Variants in MEST observed in about 807,000 individuals in gnomAD.
MEST encodes the protein mesoderm specific transcript.
In MEST, 18 loss-of-function variants were observed where a neutral mutation model predicts 50.9. The ratio of observed to expected loss-of-function variants is 0.35; its 90% CI spans 0.24 to 0.52. MEST has a LOEUF of 0.52. Among genes scored for constraint, MEST ranks in the 20% least tolerant of loss-of-function variants. The probability of loss-of-function intolerance (pLI) is 0.94; values close to 1 mark genes in which losing one functional copy is unlikely to be tolerated. For missense variants in MEST, 282 were observed against 425.3 expected, an observed-to-expected ratio of 0.66 and a Z score of 2.96; for synonymous variants, 130 against 154.1, an observed-to-expected ratio of 0.84 and a Z score of 1.16.
At chr7:130,496,356 T>C (rs1207470500) in intron 2 of MEST, 1 of 349,330 alleles carries the variant, frequency 2.9e-6, no homozygotes, top group African/African-American at 2.3e-5. Context: ...AATGGAATGA[T>C]TTTATTTGCA....
chr7:130,488,946 C>G (rs142939385), upstream of MEST: 1 of 152,182 alleles, frequency 6.6e-6, no homozygotes, highest in Non-Finnish European at 1.5e-5. Context: ...AAAACCCCTT[C>G]GTTAACATGT....
upstream of MEST, chr7:130,488,940 C>G (rs895732393): frequency 6.6e-6 from 1 of 152,176 alleles, no homozygotes; most frequent in African/African-American, 2.4e-5. Context: ...TCAACCAAAA[C>G]CCCTTCGTTA....
In MEST at chr7:130,500,013, G is replaced by C; in HGVS notation, c.576+98G>C. The C allele has an allele frequency of 2.0e-6, 2 of 983,184 alleles. No individual in the cohort carries two copies. Among genetic ancestry groups the C allele is most frequent in the Non-Finnish European group, 3.1e-6 (2 of 650,972 alleles). The allele number at this position is 983,184 out of a possible 1,614,324, so 60.9% of individuals were successfully genotyped here. ...GCCATAGCTCCTGTAACTGGCAGTA[G>C]TTAAATCCTCTTCCTTGTGAATTTC... is the stretch of plus-strand genomic sequence containing the variant. On this transcript the variant is annotated intron_variant, in intron 7 of 11. Coordinates refer to ENST00000223215, the MANE Select transcript of MEST (RefSeq NM_002402.4). The surrounding 1 kb of genome is among the most constrained non-coding windows in gnomAD (Gnocchi z 5.0).
chr7:130,504,251 G>A (rs1019887270), intron 11 of MEST, among the ~76,000 whole-genome samples: 2 of 152,216 alleles, frequency 1.3e-5, no homozygotes, highest in Non-Finnish European at 2.9e-5. Context: ...ATTCCTTGGT[G>A]TACAAAAAGC....
intron 1 of MEST, chr7:130,494,876 A>G (rs1219968949): frequency 2.1e-6 from 2 of 972,730 alleles, no homozygotes; most frequent in Non-Finnish European, 2.4e-6. Context: ...CACACTCTTT[A>G]AAACATGAGA....
rs2116314663 is a variant in MEST, at chr7:130,505,622, G to A, written c.*566G>A. 6.6e-6 allele frequency: 1 copy of A among 152,404 alleles called. No individual in the cohort carries two copies. The highest frequency in any genetic ancestry group is 3.4e-3 in the Middle Eastern group (1 of 294). The allele number at this position is 152,404 out of a possible 1,614,324, so 9.4% of individuals were successfully genotyped here. Reference sequence around the variant, plus strand: ...AAACATTTTGTTAAAATAGATATTGGTTTAAATGATACAGTATTTTAGGTA... The same window carrying A: ...AAACATTTTGTTAAAATAGATATTGATTTAAATGATACAGTATTTTAGGTA... On this transcript the variant is annotated 3_prime_UTR_variant, in exon 12 of 12. Transcript: ENST00000223215.
At position 130,503,797 on chromosome 7, in the gene MEST, G is replaced by C. The variant is rs1377843346; in HGVS notation, c.827-136G>C. The C allele has an allele frequency of 9.2e-6, 6 of 648,976 alleles. No individual in the cohort carries two copies. The East Asian group carries it at 1.5e-4, about 16-fold the overall frequency. The allele number at this position is 648,976 out of a possible 1,614,324, so 40.2% of individuals were successfully genotyped here. On this transcript the variant is annotated intron_variant, in intron 10 of 11. Coordinates refer to ENST00000223215, the MANE Select transcript of MEST (RefSeq NM_002402.4). ...CACCACTGCACTCCAGCCTGAGCAA[G>C]GGAGAGAGAGACCTTGCCTATTATA...
chr7:130,487,809 G>C (rs1441560210), upstream of MEST: 1 of 152,154 alleles, frequency 6.6e-6, no homozygotes, highest in Non-Finnish European at 1.5e-5. Flanking sequence ...ACTACACATG[G>C]CTAATTTTTG....
chr7:130,503,975 C>T lies in MEST; in HGVS notation c.869C>T (p.Pro290Leu). The T allele has an allele frequency of 5.0e-6, 8 of 1,613,280 alleles. No homozygotes were observed. Among genetic ancestry groups the T allele is most frequent in the Non-Finnish European group, 6.8e-6 (8 of 1,179,366 alleles). The stretch of plus-strand genomic sequence containing the variant: ...CCATTGGATCCTGTAAATCCCTATC[C>T]AGAGTTTTTGGAGCTGTACAGGTGA... ...YGPLDPVNPYPEFLELYRKTL... is the reference protein window; with the variant it reads ...YGPLDPVNPYLEFLELYRKTL... Residue 290 changes from proline (P) to leucine (L), a missense_variant, in exon 11 of 12, where the codon CCA (proline) becomes CTA (leucine). Pro to Leu is a moderately conservative substitution (Grantham distance 98). Transcript: ENST00000223215.
Position 130,495,480 on chromosome 7 carries a change from G to A in MEST, c.139G>A (p.Gly47Ser). The A allele has an allele frequency of 6.2e-7, 1 of 1,614,094 alleles. No individual in the cohort carries two copies. The highest frequency in any genetic ancestry group is 1.1e-5 in the South Asian group (1 of 91,078). ...SPALHSWKSSGKFFTYKGLRI... is the reference protein window; with the variant it reads ...SPALHSWKSSSKFFTYKGLRI... ...TGCCCTTCACTCATGGAAGTCTTCA[G>A]GCAAGTTTTTCACTTACAAGGGACT... The change falls in exon 2 of 12, where the codon GGC becomes AGC. Residue 47 changes from glycine (G) to serine (S), a missense_variant. Physicochemically the swap from Gly to Ser is moderately conservative, Grantham distance 56. Coordinates refer to ENST00000223215, the MANE Select transcript of MEST (RefSeq NM_002402.4).
chr7:130,493,750 C>G (rs916057005), intron 1 of MEST, among the ~76,000 whole-genome samples: 1 of 152,104 alleles, frequency 6.6e-6, no homozygotes, highest in Non-Finnish European at 1.5e-5. Flanking sequence ...GGGATGAATG[C>G]GATGAGAAGC....
upstream of MEST, among the ~76,000 whole-genome samples, chr7:130,490,434 C>G (rs1395769170): frequency 6.6e-6 from 1 of 152,196 alleles, no homozygotes; most frequent in Non-Finnish European, 1.5e-5. Flanking sequence ...ATTCATCATT[C>G]AAGACCACCC....
rs55963229 is a variant in MEST at position 130,504,987 on chromosome 7, C to T, written c.939C>T (p.Ser313=). The T allele has an allele frequency of 1.2e-6, 2 of 1,613,876 alleles. No homozygotes were observed. Among genetic ancestry groups the T allele is most frequent in the Non-Finnish European group, 1.7e-6 (2 of 1,179,790 alleles). Residue 313 remains serine, a synonymous_variant, in exon 12 of 12, where the codon AGC becomes AGT. Coordinates refer to ENST00000223215, the MANE Select transcript of MEST (RefSeq NM_002402.4). ...TGTCGATTCTGGATGACCACATTAGCCACTATCCACAGCTAGAGGATCCCA... is the reference window on the plus strand; with the variant it reads ...TGTCGATTCTGGATGACCACATTAGTCACTATCCACAGCTAGAGGATCCCA... The part of the protein sequence containing the change: ...STVSILDDHI[S]HYPQLEDPMG...
chr7:130,501,069 G>T, intron 9 of MEST, 179 bp downstream of exon 9: 1 of 536,064 alleles, frequency 1.9e-6, no homozygotes, highest in Non-Finnish European at 3.3e-6. Flanking sequence ...AGTGAAACTG[G>T]ACTCTTTGTT....
Position 130,497,140 on chromosome 7 carries a change from C to T in MEST, c.182-16C>T. The T allele has an allele frequency of 6.2e-7, 1 of 1,603,798 alleles. No homozygotes were observed. The highest frequency in any genetic ancestry group is 8.5e-7 in the Non-Finnish European group (1 of 1,174,232). ...TAGGGATTTGGCATAATTGATTGTA[C>T]TTTCCTTCTTCCTAGACTCTGTGGG... On this transcript the variant is annotated splice_polypyrimidine_tract_variant and intron_variant, in intron 2 of 11. Transcript: ENST00000223215. The surrounding 1 kb of genome is among the most constrained non-coding windows in gnomAD (Gnocchi z 4.0).
In MEST at chr7:130,500,318, G is replaced by A. The variant is rs1431231505; in HGVS notation, c.577-144G>A. 1.5e-6 allele frequency: 1 copy of A among 645,646 alleles called. No homozygotes were observed. Among genetic ancestry groups the A allele is most frequent in the African/African-American group, 1.8e-5 (1 of 54,510 alleles). 40.0% of individuals were successfully genotyped at this position (645,646 alleles called of 1,614,324 possible). A position where few individuals can be genotyped will look rare whatever the true frequency, so the allele number is the denominator to read the frequency against. ...TTGTCTTCCTTGAGAGAAGAATGCGGGTAGGCAAAACAAAATGCCAAGTAC... is the reference window on the plus strand; with the variant it reads ...TTGTCTTCCTTGAGAGAAGAATGCGAGTAGGCAAAACAAAATGCCAAGTAC... On this transcript the variant is annotated intron_variant, in intron 7 of 11. Transcript: ENST00000223215. This position sits in a 1 kb window ranked among gnomAD's most constrained non-coding sequence, Gnocchi z 5.0.
At chr7:130,495,655 G>C (rs1233681100) in intron 2 of MEST, 133 bp downstream of exon 2, 4 of 992,560 alleles carry the variant, frequency 4.0e-6, no homozygotes, top group Non-Finnish European at 5.7e-6. Context: ...TTTCTGTGTA[G>C]TGTGCTTGCA....
upstream of MEST, chr7:130,487,878 C>T (rs535835069): frequency 6.6e-6 from 1 of 152,520 alleles, no homozygotes; most frequent in African/African-American, 2.4e-5. Flanking sequence ...AACTCCTGAC[C>T]TGAAGTGATC....
rs1554439829 is a variant in MEST, at chr7:130,506,066, T to TACAG, written c.*1015_*1018dup. On this transcript the variant is annotated 3_prime_UTR_variant, in exon 12 of 12. Coordinates refer to ENST00000223215, the MANE Select transcript of MEST (RefSeq NM_002402.4). ...TGTAGCTCAGTAATTCCTGTTACTT[T>TACAG]ACAGACAGGAAAGTTCCAGAAACTT... 1.3e-5 allele frequency: 2 copies of TACAG among 152,654 alleles called. No individual in the cohort carries two copies. Among genetic ancestry groups the TACAG allele is most frequent in the African/African-American group, 4.8e-5 (2 of 41,450 alleles). The allele number at this position is 152,654 out of a possible 1,614,324, so 9.5% of individuals were successfully genotyped here. A position where few individuals can be genotyped will look rare whatever the true frequency, so the allele number is the denominator to read the frequency against.
Sources: allele counts gnomAD v4.1 joint callset (sites outside exome capture counted in the v4.1 genomes callset), GRCh38; gene constraint gnomAD v4.1.1; non-coding constraint Gnocchi (gnomAD v3.1); transcripts MANE v1.5; gene names NCBI Gene and HGNC (gene_info 2026-07-23, HGNC 2026-07-21).